Variants in ADAM23 observed in about 807,000 individuals in gnomAD.
ADAM23 encodes the protein ADAM metallopeptidase domain 23.
ADAM23 carries 33 observed loss-of-function variants against 120.1 expected under a neutral mutation model. That is an observed-to-expected ratio of 0.27 (90% CI 0.21 to 0.37). ADAM23 has a LOEUF of 0.37. ADAM23 is among the 10% of genes least tolerant of loss of function. The pLI is 1.00. For synonymous variants in ADAM23, 367 were observed against 375.2 expected, an observed-to-expected ratio of 0.98 and a Z score of 0.25; for missense variants, 862 against 1,058.2, an observed-to-expected ratio of 0.81 and a Z score of 2.57.
chr2:206,592,696 C>G lies in ADAM23; in HGVS notation c.2038C>G (p.Pro680Ala). ...TGGTCAACTTCAGGGTGAGATCATT[C>G]CAACTTCCTTCTACCATCAAGGCCG... is the stretch of plus-strand genomic sequence containing the variant. ...RIGQLQGEIIPTSFYHQGRVI... is the reference protein window; with the variant it reads ...RIGQLQGEIIATSFYHQGRVI... The change falls in exon 22 of 26, where the codon CCA (proline) becomes GCA (alanine). Residue 680 changes from proline (P) to alanine (A), a missense_variant. Pro to Ala is a conservative substitution (Grantham distance 27). Transcript: ENST00000264377. 1 of 1,613,956 alleles carries G rather than the reference C, an allele frequency of 6.2e-7. No homozygotes were observed. The highest frequency in any genetic ancestry group is 8.5e-7 in the Non-Finnish European group (1 of 1,179,948).
At chr2:206,569,539 C>T (rs1697955083) in intron 15 of ADAM23, among the ~76,000 whole-genome samples, 1 of 152,118 alleles carries the variant, frequency 6.6e-6, no homozygotes, top group South Asian at 2.1e-4. Context: ...TAGGAATCTT[C>T]CCCACTGCCA....
At chr2:206,499,148 A>G (rs185541997) in intron 3 of ADAM23, among the ~76,000 whole-genome samples, 23 of 151,808 alleles carry the variant, frequency 1.5e-4, no homozygotes, top group African/African-American at 5.6e-4. Flanking sequence ...ATTACTGGGT[A>G]TGTACCCAAA....
chr2:206,576,965 A>G (rs1317420559), intron 18 of ADAM23, among the ~76,000 whole-genome samples: 1 of 152,208 alleles, frequency 6.6e-6, no homozygotes, highest in African/African-American at 2.4e-5. Context: ...CTATTGCACT[A>G]TTGAAGCCTG....
intron 2 of ADAM23, among the ~76,000 whole-genome samples, chr2:206,479,974 C>A (rs1476752694): frequency 6.6e-6 from 1 of 152,008 alleles, no homozygotes; most frequent in Non-Finnish European, 1.5e-5. Context: ...GCAAAAAGAT[C>A]TTGACAATGA....
At chr2:206,463,219 A>G (rs1408650783) in intron 2 of ADAM23, among the ~76,000 whole-genome samples, 1 of 152,234 alleles carries the variant, frequency 6.6e-6, no homozygotes, top group African/African-American at 2.4e-5. Context: ...GGCTACTGAG[A>G]TGGGAGTATA....
intron 2 of ADAM23, among the ~76,000 whole-genome samples, chr2:206,455,051 G>A (rs988658499): frequency 6.6e-6 from 1 of 152,244 alleles, no homozygotes; most frequent in African/African-American, 2.4e-5. Flanking sequence ...GTGTATGGAA[G>A]CTCCAACCAA....
At chr2:206,554,787 CACTT>C (rs1159220801) in intron 9 of ADAM23, among the ~76,000 whole-genome samples, 2 of 152,140 alleles carry the variant, frequency 1.3e-5, no homozygotes, top group African/African-American at 2.4e-5. Context: ...TTAGGCGAAA[CACTT>C]ACAGTTTCTA....
Position 206,560,076 on chromosome 2 carries a change from G to A in ADAM23, c.1127G>A (p.Arg376Gln), listed in dbSNP as rs373023541. Residue 376 changes from arginine to glutamine, a missense_variant, in exon 11 of 26, where the codon CGG (arginine) becomes CAG (glutamine). Coordinates refer to ENST00000264377, the MANE Select transcript of ADAM23 (RefSeq NM_003812.4). The part of the protein sequence containing the change: ...VQMLHEFSKY[R>Q]QRIKQHADAV... ...ATGCTCCATGAGTTCTCAAAATACC[G>A]GCAGCGCATTAAGCAGCATGCTGAT... 37 of 1,613,990 alleles carry A rather than the reference G, an allele frequency of 2.3e-5. No homozygotes were observed. The Middle Eastern group carries it at 4.9e-4, about 22-fold the overall frequency.
chr2:206,529,880 C>T (rs757621642), intron 3 of ADAM23, among the ~76,000 whole-genome samples: 3 of 151,864 alleles, frequency 2.0e-5, no homozygotes, highest in Admixed American at 6.6e-5. Context: ...GGCATGATCT[C>T]GGCTCACTGC....
Position 206,563,951 on chromosome 2 carries a change from C to T in ADAM23, c.1346-1069C>T, listed in dbSNP as rs1214696360. Reference sequence around the variant, plus strand: ...TTCACTGTGTTAGCCAGTATGGTCTCGATCTCCTGACCTCATGATCTGCCC... The same window carrying T: ...TTCACTGTGTTAGCCAGTATGGTCTTGATCTCCTGACCTCATGATCTGCCC... On this transcript the variant is annotated intron_variant, in intron 13 of 25. Coordinates refer to ENST00000264377, the MANE Select transcript of ADAM23 (RefSeq NM_003812.4). Among the ~76,000 whole-genome samples, 6 of 151,896 alleles carry T rather than the reference C, an allele frequency of 4.0e-5. No homozygotes were observed. The East Asian group carries it at 9.7e-4, about 25-fold the overall frequency.
intron 3 of ADAM23, among the ~76,000 whole-genome samples, chr2:206,490,929 T>C (rs993040685): frequency 5.3e-5 from 8 of 152,188 alleles, no homozygotes; most frequent in African/African-American, 1.9e-4. Flanking sequence ...AAAAGAAATA[T>C]TGTCTAAATT....
chr2:206,465,842 A>G (rs1695532294), intron 2 of ADAM23, among the ~76,000 whole-genome samples: 1 of 152,166 alleles, frequency 6.6e-6, no homozygotes, highest in African/African-American at 2.4e-5. Flanking sequence ...GAAGTGATTT[A>G]TATAATGCTT....
intron 6 of ADAM23, among the ~76,000 whole-genome samples, 181 bp downstream of exon 6, chr2:206,543,497 G>A (rs762262591): frequency 1.6e-4 from 24 of 152,118 alleles, no homozygotes; most frequent in Non-Finnish European, 2.2e-4. Context: ...CCATGTACCC[G>A]TAAAGGATAG....
chr2:206,481,391 C>A, intron 3 of ADAM23, 83 bp downstream of exon 3: 1 of 1,007,832 alleles, frequency 9.9e-7, no homozygotes, highest in Non-Finnish European at 1.4e-6. Flanking sequence ...AAAATAATGT[C>A]TGTTGTTTAA....
intron 3 of ADAM23, among the ~76,000 whole-genome samples, chr2:206,505,765 T>A (rs1696485036): frequency 6.6e-6 from 1 of 152,214 alleles, no homozygotes; most frequent in Non-Finnish European, 1.5e-5. Flanking sequence ...TTACTATTAT[T>A]ATCCCCGTTT....
At position 206,536,644 on chromosome 2, in the gene ADAM23, T is replaced by G. The variant is rs1461487557; in HGVS notation, c.574-5408T>G. On this transcript the variant is annotated intron_variant, in intron 4 of 25. Coordinates refer to ENST00000264377, the MANE Select transcript of ADAM23 (RefSeq NM_003812.4). ...GAGGTAGAAATAAGACATGTTAATTTGATTGACTATAGTAATAATTTCACT... is the reference window on the plus strand; with the variant it reads ...GAGGTAGAAATAAGACATGTTAATTGGATTGACTATAGTAATAATTTCACT... Among the ~76,000 whole-genome samples the G allele has an allele frequency of 2.0e-5, 3 of 152,222 alleles. No homozygotes were observed. In the East Asian group the frequency reaches 5.8e-4, roughly 29 times the overall value.
At chr2:206,482,186 T>G (rs1363727829) in intron 3 of ADAM23, among the ~76,000 whole-genome samples, 3 of 152,226 alleles carry the variant, frequency 2.0e-5, no homozygotes, top group Admixed American at 6.5e-5. Context: ...TTCTGTGAGC[T>G]CTGCAGAAAA....
At chr2:206,499,658 AAAAT>A (rs1324351759) in intron 3 of ADAM23, among the ~76,000 whole-genome samples, 1 of 152,016 alleles carries the variant, frequency 6.6e-6, no homozygotes, top group Admixed American at 6.6e-5. Flanking sequence ...GAAAATAAAT[AAAAT>A]AAAAAAAATT....
chr2:206,606,987 T>G (rs1698740962), intron 24 of ADAM23: 1 of 152,142 alleles, frequency 6.6e-6, no homozygotes, highest in African/African-American at 2.4e-5. Context: ...GTCCCATTAG[T>G]TAGAACAAAT....
Sources: gnomAD v4.1 joint callset for allele counts (sites outside exome capture counted in the v4.1 genomes callset) on GRCh38, gnomAD v4.1.1 for gene constraint, MANE v1.5 for transcripts, NCBI Gene and HGNC (gene_info 2026-07-23, HGNC 2026-07-21) for gene names.